KIF26B: variants seen among roughly 807,000 people sequenced by gnomAD.
KIF26B encodes kinesin-like protein KIF26B.
KIF26B carries 63 observed loss-of-function variants against 151.2 expected under a neutral mutation model. The observed-to-expected ratio is 0.42, with a 90% confidence interval of 0.34 to 0.51. The LOEUF is 0.51. Among genes scored for constraint, KIF26B ranks in the 20% least tolerant of loss-of-function variants. The probability of loss-of-function intolerance (pLI) is 0.07; values close to 1 mark genes in which losing one functional copy is unlikely to be tolerated. For synonymous variants in KIF26B, 1,357 were observed against 1,262.1 expected (o/e 1.08, Z -1.59); for missense variants, 2,813 against 2,913.6 (o/e 0.97, Z 0.79).
In KIF26B at chr1:245,241,310, C is replaced by T. The variant is rs184585005; in HGVS notation, c.465+84627C>T. Among the ~76,000 whole-genome samples the T allele has an allele frequency of 3.3e-5, 5 of 151,920 alleles. No individual in the cohort carries two copies. Among genetic ancestry groups the T allele is most frequent in the South Asian group, 2.1e-4 (1 of 4,788 alleles). ...GGTGCCCCGACAGAGGAAAAGCGGC[C>T]GGTGGGTTTTAGATCCTCATTTGGC... On this transcript the variant is annotated intron_variant, in intron 2 of 14. Transcript: ENST00000407071. This position sits in a 1 kb window ranked among gnomAD's most constrained non-coding sequence, Gnocchi z 5.0.
intron 4 of KIF26B, among the ~76,000 whole-genome samples, chr1:245,481,848 T>G (rs1425221677): frequency 6.6e-6 from 1 of 151,848 alleles, no homozygotes; most frequent in Non-Finnish European, 1.5e-5. Flanking sequence ...CCTGGCACTT[T>G]GAACAGTCCT....
intron 5 of KIF26B, among the ~76,000 whole-genome samples, chr1:245,562,106 T>C (rs750099940): frequency 6.6e-6 from 1 of 152,062 alleles, no homozygotes; most frequent in African/African-American, 2.4e-5. Context: ...AGCCGTACTT[T>C]GTCTCCGCGG....
chr1:245,673,120 C>G (rs1478880498), intron 10 of KIF26B, among the ~76,000 whole-genome samples: 1 of 132,918 alleles, frequency 7.5e-6, no homozygotes, highest in Non-Finnish European at 1.6e-5. Context: ...CCCCGCTGCG[C>G]GCTGCCATCT....
intron 2 of KIF26B, among the ~76,000 whole-genome samples, chr1:245,324,964 A>C (rs938969938): frequency 6.6e-6 from 1 of 151,810 alleles, no homozygotes; most frequent in African/African-American, 2.4e-5. Context: ...GTGTGGTGGC[A>C]TGCACCTGTA....
chr1:245,238,025 CAA>C (rs1553337529), intron 2 of KIF26B, among the ~76,000 whole-genome samples: 7 of 74,956 alleles, frequency 9.3e-5, no homozygotes, highest in Admixed American at 1.7e-4. Context: ...GACCCTGTCT[CAA>C]AAAAAAAAAA....
chr1:245,365,726 C>T (rs1213994488), intron 2 of KIF26B, among the ~76,000 whole-genome samples: 1 of 152,202 alleles, frequency 6.6e-6, no homozygotes, highest in African/African-American at 2.4e-5. Context: ...AGCCCACACT[C>T]TCCTATCCCA....
chr1:245,243,936 A>T (rs1286657936), intron 2 of KIF26B, among the ~76,000 whole-genome samples: 1 of 151,984 alleles, frequency 6.6e-6, no homozygotes, highest in Non-Finnish European at 1.5e-5. Context: ...TCTATTTTTT[A>T]TTTTTCCCTT....
intron 5 of KIF26B, among the ~76,000 whole-genome samples, chr1:245,550,108 A>G (rs1399489528): frequency 6.6e-6 from 1 of 152,148 alleles, no homozygotes; most frequent in Non-Finnish European, 1.5e-5. Context: ...GCTAGAGACA[A>G]ATTTCCTGCC....
chr1:245,270,903 G>T (rs951627531), intron 2 of KIF26B, among the ~76,000 whole-genome samples: 10 of 152,178 alleles, frequency 6.6e-5, no homozygotes, highest in Non-Finnish European at 1.0e-4. Context: ...CTACATTTAA[G>T]TCCTTTAATC....
At chr1:245,499,646 G>C (rs1344636955) in intron 4 of KIF26B, among the ~76,000 whole-genome samples, 1 of 152,218 alleles carries the variant, frequency 6.6e-6, no homozygotes, top group African/African-American at 2.4e-5. Context: ...AAAGTAATTT[G>C]AGGGGGACAG....
At position 245,544,263 on chromosome 1, in the gene KIF26B, C is replaced by T. The variant is rs116563633; in HGVS notation, c.1350+3313C>T. 9.1e-3 allele frequency among the ~76,000 whole-genome samples: 1,384 copies of T among 152,104 alleles called. 35 individuals carry two copies. The highest frequency in any genetic ancestry group is 0.031 in the African/African-American group (1,288 of 41,492). Reference sequence around the variant, plus strand: ...TTTAATATAGAACATAAATAATTGGCGCTATATATAAATCGGCAGGTTTGA... The same window carrying T: ...TTTAATATAGAACATAAATAATTGGTGCTATATATAAATCGGCAGGTTTGA... On this transcript the variant is annotated intron_variant, in intron 5 of 14. Coordinates refer to ENST00000407071, the MANE Select transcript of KIF26B (RefSeq NM_018012.4).
In KIF26B at chr1:245,612,054, T is replaced by TTGTGTGTGTGTG. The variant is rs5782359; in HGVS notation, c.2098+119_2098+130dup. ...GAAATCCCTTGGGCAACCATGACCT[T>TTGTGTGTGTGTG]TGTGTGTGTGTGTGTGTGTGTGTGT... is the stretch of plus-strand genomic sequence containing the variant. On this transcript the variant is annotated intron_variant, in intron 9 of 14. Coordinates refer to ENST00000407071, the MANE Select transcript of KIF26B (RefSeq NM_018012.4). 4 of 677,680 alleles carry TTGTGTGTGTGTG rather than the reference T, an allele frequency of 5.9e-6. No homozygotes were observed. In the African/African-American group the frequency reaches 7.6e-5, roughly 13 times the overall value. The allele number at this position is 677,680 out of a possible 1,614,324, so 42.0% of individuals were successfully genotyped here.
At chr1:245,175,098 C>T (rs1313303421) in intron 2 of KIF26B, among the ~76,000 whole-genome samples, 1 of 152,122 alleles carries the variant, frequency 6.6e-6, no homozygotes, top group African/African-American at 2.4e-5. Context: ...AGACTTCCCA[C>T]CAGGGTGAAA....
intron 2 of KIF26B, among the ~76,000 whole-genome samples, chr1:245,229,381 A>G (rs1345895777): frequency 2.0e-5 from 3 of 152,186 alleles, no homozygotes; most frequent in Admixed American, 2.0e-4. Context: ...AGAGCAGGAT[A>G]TTCTCTGCCT....
chr1:245,247,396 G>T (rs1245238714), intron 2 of KIF26B, among the ~76,000 whole-genome samples: 2 of 152,108 alleles, frequency 1.3e-5, no homozygotes, highest in Non-Finnish European at 2.9e-5. Flanking sequence ...CAGGGAAGGT[G>T]GCAATCAGCC....
At chr1:245,177,319 A>C (rs937504021) in intron 2 of KIF26B, among the ~76,000 whole-genome samples, 1 of 152,154 alleles carries the variant, frequency 6.6e-6, no homozygotes, top group Non-Finnish European at 1.5e-5. Context: ...GGATAACACT[A>C]TCTCTTAAAA....
At chr1:245,343,360 A>C (rs1672375039) in intron 2 of KIF26B, among the ~76,000 whole-genome samples, 1 of 150,202 alleles carries the variant, frequency 6.7e-6, no homozygotes, top group South Asian at 2.1e-4. Context: ...AGTTCCATGC[A>C]ATCTTTTTTT....
At position 245,554,157 on chromosome 1, in the gene KIF26B, C is replaced by T. The variant is rs577153844; in HGVS notation, c.1350+13207C>T. Among the ~76,000 whole-genome samples, 9 of 152,266 alleles carry T rather than the reference C, an allele frequency of 5.9e-5. No individual in the cohort carries two copies. The East Asian group carries it at 1.7e-3, about 29-fold the overall frequency. ...CATGTACCATCCCTTGCCCAGATTT[C>T]TCTGATTAACCATTCACCACTCTGT... On this transcript the variant is annotated intron_variant, in intron 5 of 14. Transcript: ENST00000407071.
At chr1:245,518,496 A>G (rs1482781017) in intron 4 of KIF26B, among the ~76,000 whole-genome samples, 1 of 152,234 alleles carries the variant, frequency 6.6e-6, no homozygotes, top group Non-Finnish European at 1.5e-5. Flanking sequence ...AAACAACTTG[A>G]TTTCACTTGA....
Sources: gnomAD v4.1 joint callset for allele counts (sites outside exome capture counted in the v4.1 genomes callset) on GRCh38, gnomAD v4.1.1 for gene constraint, Gnocchi (gnomAD v3.1) non-coding constraint, MANE v1.5 for transcripts, NCBI Gene and HGNC (gene_info 2026-07-23, HGNC 2026-07-21) for gene names.